TECPR2: variants seen among roughly 807,000 people sequenced by gnomAD.
The protein encoded by TECPR2 is tectonin beta-propeller repeat containing 2, also known as tectonin beta-propeller repeat-containing protein 2.
A neutral mutation model predicts 138.1 loss-of-function variants in TECPR2; 65 were observed. That is an observed-to-expected ratio of 0.47 (90% confidence interval 0.39 to 0.58). The LOEUF (loss-of-function observed/expected upper bound fraction) is 0.58, where lower values mean the gene tolerates loss of function less well. Among genes scored for constraint, TECPR2 ranks in the 20% least tolerant of loss-of-function variants. TECPR2 has a pLI of 0.00. For synonymous variants in TECPR2, 746 were observed against 749.8 expected (o/e 0.99, Z 0.08); for missense variants, 1,553 against 1,824.5 (o/e 0.85, Z 2.71).
chr14:102,496,943 C>T (rs201716771), intron 17 of TECPR2, 36 bp from the exon 18 acceptor site: 103 of 1,608,182 alleles, frequency 6.4e-5, no homozygotes, highest in Non-Finnish European at 8.2e-5. Context: ...TGTCACCCAA[C>T]TCCTGCCTTC....
intron 1 of TECPR2, among the ~76,000 whole-genome samples, chr14:102,371,568 C>T (rs1385178581): frequency 6.6e-6 from 1 of 152,172 alleles, no homozygotes; most frequent in Non-Finnish European, 1.5e-5. Flanking sequence ...TGTCCTGACT[C>T]ATCTGGGTGC....
chr14:102,403,945 T>A (rs1320067239), intron 2 of TECPR2, among the ~76,000 whole-genome samples: 1 of 152,186 alleles, frequency 6.6e-6, no homozygotes, highest in Non-Finnish European at 1.5e-5. Context: ...TCACCTAGGC[T>A]GGAGTGCAGT....
chr14:102,457,360 C>T (rs2139761945), intron 16 of TECPR2, among the ~76,000 whole-genome samples: 1 of 152,212 alleles, frequency 6.6e-6, no homozygotes, highest in African/African-American at 2.4e-5. Context: ...GCTGGGATTA[C>T]AGGTGTGAGC....
Position 102,408,152 on chromosome 14 carries a change from G to A in TECPR2, c.349-336G>A, listed in dbSNP as rs556822611. 3.5e-3 allele frequency among the ~76,000 whole-genome samples: 537 copies of A among 151,932 alleles called. 3 individuals carry two copies. Among genetic ancestry groups the A allele is most frequent in the Non-Finnish European group, 4.1e-3 (280 of 67,940 alleles). ...CCACGCTACTGCACTCCAGCCTGACGGAGCGAGACTCTGTCTCAAAAAAAA... is the reference window on the plus strand; with the variant it reads ...CCACGCTACTGCACTCCAGCCTGACAGAGCGAGACTCTGTCTCAAAAAAAA... On this transcript the variant is annotated intron_variant, in intron 3 of 19. Coordinates refer to ENST00000359520, the MANE Select transcript of TECPR2 (RefSeq NM_014844.5).
At chr14:102,494,836 A>C (rs1216194698) in intron 17 of TECPR2, among the ~76,000 whole-genome samples, 2 of 151,368 alleles carry the variant, frequency 1.3e-5, no homozygotes, top group South Asian at 2.1e-4. Flanking sequence ...AAAAAAAAAA[A>C]AAAAAACTAA....
chr14:102,483,535 G>A (rs568050198), intron 17 of TECPR2, among the ~76,000 whole-genome samples: 16 of 151,928 alleles, frequency 1.1e-4, no homozygotes, highest in Admixed American at 3.3e-4. Flanking sequence ...TTAAACTTCT[G>A]GGCTCAAGCA....
In TECPR2 at chr14:102,415,966, G is replaced by A. The variant is rs1463157745; in HGVS notation, c.638+1173G>A. Among the ~76,000 whole-genome samples the A allele has an allele frequency of 1.3e-5, 2 of 152,152 alleles. No individual in the cohort carries two copies. Among genetic ancestry groups the A allele is most frequent in the South Asian group, 2.1e-4 (1 of 4,828 alleles). ...CGGGTGAGGCGGAGCCAGCCCCTGT[G>A]GTCGTAGTCACTGCCCGTTATTCTG... On this transcript the variant is annotated intron_variant, in intron 5 of 19. Coordinates refer to ENST00000359520, the MANE Select transcript of TECPR2 (RefSeq NM_014844.5). This position sits in a 1 kb window ranked among gnomAD's most constrained non-coding sequence, Gnocchi z 4.3.
rs1646485005 is a variant in TECPR2 at position 102,415,192 on chromosome 14, T to C, written c.638+399T>C. On this transcript the variant is annotated intron_variant, in intron 5 of 19. Coordinates refer to ENST00000359520, the MANE Select transcript of TECPR2 (RefSeq NM_014844.5). This position sits in a 1 kb window ranked among gnomAD's most constrained non-coding sequence, Gnocchi z 4.3. ...GTGTTTACCATGCACCCCTGTGCAC[T>C]GTGGCAGGCTCAGCAGTGACATGGT... Among the ~76,000 whole-genome samples, 1 of 152,244 alleles carries C rather than the reference T, an allele frequency of 6.6e-6. No homozygotes were observed. Among genetic ancestry groups the C allele is most frequent in the African/African-American group, 2.4e-5 (1 of 41,470 alleles).
chr14:102,383,878 T>C (rs1887909598), intron 2 of TECPR2, among the ~76,000 whole-genome samples: 3 of 152,180 alleles, frequency 2.0e-5, no homozygotes, highest in Non-Finnish European at 4.4e-5. Context: ...ATATTATCTT[T>C]GTTTCGTTTT....
At position 102,425,721 on chromosome 14, in the gene TECPR2, G is replaced by A. The variant is rs186637927; in HGVS notation, c.951+430G>A. Among the ~76,000 whole-genome samples, 164 of 151,730 alleles carry A rather than the reference G, an allele frequency of 1.1e-3. 2 individuals carry two copies. In the East Asian group the frequency reaches 0.028, roughly 26 times the overall value. ...CTCCTGAGTAGCTGGGATTACAGAC[G>A]CATGCCACCACGCCTGGCTAATTTT... is the stretch of plus-strand genomic sequence containing the variant. On this transcript the variant is annotated intron_variant, in intron 6 of 19. Transcript: ENST00000359520.
chr14:102,452,739 A>C (rs1890179759), intron 16 of TECPR2, 112 bp downstream of exon 16: 10 of 819,214 alleles, frequency 1.2e-5, no homozygotes, highest in African/African-American at 1.7e-5. Flanking sequence ...GAGAGTTCTG[A>C]GGGGGTGTTT....
chr14:102,438,097 T>C lies in TECPR2; in HGVS notation c.2470T>C (p.Trp824Arg). The C allele has an allele frequency of 6.2e-7, 1 of 1,614,152 alleles. No homozygotes were observed. The highest frequency in any genetic ancestry group is 8.5e-7 in the Non-Finnish European group (1 of 1,180,006). ...CTTGGTGGTCTCCGAGAAGTATATC[T>C]GGTGCCTGGACTACAAAGGCGGCCT... ...LSLVVSEKYI[W>R]CLDYKGGLFC... Residue 824 changes from tryptophan (W) to arginine (R), a missense_variant, in exon 10 of 20, where the codon TGG becomes CGG. Coordinates refer to ENST00000359520, the MANE Select transcript of TECPR2 (RefSeq NM_014844.5).
chr14:102,489,461 CT>C (rs1430985828), intron 17 of TECPR2, among the ~76,000 whole-genome samples: 1 of 151,660 alleles, frequency 6.6e-6, no homozygotes, highest in African/African-American at 2.4e-5. Context: ...TATCCCAGTA[CT>C]TTGGGAGGCT....
intron 1 of TECPR2, among the ~76,000 whole-genome samples, chr14:102,364,795 G>A (rs1887299744): frequency 6.6e-6 from 1 of 152,138 alleles, no homozygotes; most frequent in South Asian, 2.1e-4. Flanking sequence ...AACTTAGTGG[G>A]AAGAAAAGGA....
At chr14:102,498,022 C>CGCCCAAGCTCCAAGCTCCATCTGT in intron 19 of TECPR2, 81 bp from the exon 20 acceptor site, 6 of 1,510,184 alleles carry the variant, frequency 4.0e-6, no homozygotes, top group Non-Finnish European at 5.4e-6. Flanking sequence ...CCCAGACCTG[C>CGCCCAAGCTCCAAGCTCCATCTGT]GCCCAAGCTC....
At chr14:102,423,482 T>TTAG (rs1889238621) in intron 5 of TECPR2, among the ~76,000 whole-genome samples, 2 of 151,878 alleles carry the variant, frequency 1.3e-5, no homozygotes, top group Non-Finnish European at 2.9e-5. Flanking sequence ...ATTATTATTA[T>TTAG]TATTATTTTT....
chr14:102,455,223 C>T (rs1362099004), intron 16 of TECPR2, among the ~76,000 whole-genome samples: 2 of 152,102 alleles, frequency 1.3e-5, no homozygotes, highest in Admixed American at 6.5e-5. Flanking sequence ...GGATCCTGGT[C>T]GCTGTGGATG....
Position 102,443,702 on chromosome 14 carries a change from G to A in TECPR2, c.2808G>A (p.Pro936=), listed in dbSNP as rs1429105020. ...CCGTAAAGGTGGACTGTCCCTACCC[G>A]CTGTCCCAGATCACAGCCCGGAACA... is the stretch of plus-strand genomic sequence containing the variant. The part of the protein sequence containing the change: ...ARAVKVDCPY[P]LSQITARNNV... Residue 936 remains proline (P), a synonymous_variant, in exon 12 of 20, where the codon CCG becomes CCA. Transcript: ENST00000359520. This position sits in a 1 kb window ranked among gnomAD's most constrained non-coding sequence, Gnocchi z 4.9. The A allele has an allele frequency of 6.2e-6, 10 of 1,611,738 alleles. No individual in the cohort carries two copies. Among genetic ancestry groups the A allele is most frequent in the South Asian group, 2.2e-5 (2 of 90,860 alleles).
intron 2 of TECPR2, among the ~76,000 whole-genome samples, chr14:102,385,985 A>G (rs1183811763): frequency 6.6e-6 from 1 of 152,070 alleles, no homozygotes; most frequent in Non-Finnish European, 1.5e-5. Flanking sequence ...TTTCACCCAT[A>G]CATGCATATG....
Sources: allele counts gnomAD v4.1 joint callset (sites outside exome capture counted in the v4.1 genomes callset), GRCh38; gene constraint gnomAD v4.1.1; non-coding constraint Gnocchi (gnomAD v3.1); transcripts MANE v1.5; gene names NCBI Gene and HGNC (gene_info 2026-07-23, HGNC 2026-07-21).